The following HDAC9 variants were observed in gnomAD, a reference collection of about 807,000 sequenced individuals.
HDAC9 encodes MEF-2 interacting transcription repressor (MITR) protein.
HDAC9 carries 41 observed loss-of-function variants against 139.4 expected under a neutral mutation model. The ratio of observed to expected loss-of-function variants is 0.29; its 90% confidence interval spans 0.23 to 0.38. The LOEUF (loss-of-function observed/expected upper bound fraction) is 0.38. Among genes scored for constraint, HDAC9 ranks in the 10% least tolerant of loss-of-function variants. The pLI is 1.00. For missense variants in HDAC9, 1,147 were observed against 1,297.0 expected (o/e 0.88, Z 1.78); for synonymous variants, 517 against 476.2 (o/e 1.09, Z -1.12).
At chr7:18,736,766 A>G (rs1251882747) in intron 13 of HDAC9, among the ~76,000 whole-genome samples, 1 of 152,210 alleles carries the variant, frequency 6.6e-6, no homozygotes, top group Non-Finnish European at 1.5e-5. Context: ...GTTACGGAGA[A>G]TTCCCTCTTT....
chr7:18,951,713 ATTC>A (rs1331502696), intron 23 of HDAC9, among the ~76,000 whole-genome samples: 1 of 151,776 alleles, frequency 6.6e-6, no homozygotes, highest in Non-Finnish European at 1.5e-5. Context: ...TTTACCACAT[ATTC>A]TTATTTTCTG....
At chr7:18,430,374 C>G (rs1051858650) in intron 1 of HDAC9, 1 of 152,196 alleles carries the variant, frequency 6.6e-6, no homozygotes, top group Non-Finnish European at 1.5e-5. Context: ...CAAGTACGTG[C>G]TACAACACCT....
chr7:18,603,439 A>C (rs1834532305), intron 6 of HDAC9, among the ~76,000 whole-genome samples: 1 of 152,062 alleles, frequency 6.6e-6, no homozygotes, highest in Admixed American at 6.5e-5. Flanking sequence ...TACTCTCTTA[A>C]CATATCAATT....
intron 2 of HDAC9, among the ~76,000 whole-genome samples, chr7:18,254,136 A>C (rs1452085320): frequency 2.0e-5 from 3 of 152,258 alleles, no homozygotes; most frequent in African/African-American, 7.2e-5. Context: ...AAAACATAAC[A>C]AACAAGAAGG....
At chr7:18,216,290 A>T (rs558915152) in intron 2 of HDAC9, among the ~76,000 whole-genome samples, 1 of 152,194 alleles carries the variant, frequency 6.6e-6, no homozygotes, top group African/African-American at 2.4e-5. Context: ...ATTAAAGTTC[A>T]TGGATTTCAC....
intron 2 of HDAC9, among the ~76,000 whole-genome samples, chr7:18,539,644 C>A (rs547937601): frequency 6.6e-6 from 1 of 152,034 alleles, no homozygotes; most frequent in Non-Finnish European, 1.5e-5. Flanking sequence ...TTCTGAAAAT[C>A]TGAAATTATT....
intron 2 of HDAC9, among the ~76,000 whole-genome samples, chr7:18,532,014 C>T (rs566148427): frequency 5.3e-5 from 8 of 152,132 alleles, no homozygotes; most frequent in Admixed American, 2.0e-4. Flanking sequence ...TTTGGGAGGC[C>T]GAGGCAGGTG....
intron 22 of HDAC9, among the ~76,000 whole-genome samples, chr7:18,909,583 G>T (rs999421065): frequency 6.6e-6 from 1 of 151,978 alleles, no homozygotes; most frequent in Non-Finnish European, 1.5e-5. Context: ...TGAGAGATGG[G>T]AGTCTAGTTT....
chr7:18,865,758 A>G (rs1268303122), intron 21 of HDAC9, among the ~76,000 whole-genome samples: 3 of 152,182 alleles, frequency 2.0e-5, no homozygotes, highest in Non-Finnish European at 4.4e-5. Flanking sequence ...AGGTGAATGC[A>G]TGAAAAAATG....
chr7:18,336,867 G>A (rs185987441), intron 1 of HDAC9, among the ~76,000 whole-genome samples: 123 of 151,652 alleles, frequency 8.1e-4, no homozygotes, highest in Admixed American at 1.8e-3. Context: ...GAAAAAAATG[G>A]TGGCTGTGTG....
At chr7:18,878,937 G>A (rs1312221658) in intron 22 of HDAC9, among the ~76,000 whole-genome samples, 2 of 152,002 alleles carry the variant, frequency 1.3e-5, no homozygotes, top group Admixed American at 6.6e-5. Flanking sequence ...AAGCTCCTTT[G>A]GCTGACAAAC....
At chr7:18,524,295 AG>A (rs906217500) in intron 2 of HDAC9, among the ~76,000 whole-genome samples, 1 of 152,188 alleles carries the variant, frequency 6.6e-6, no homozygotes, top group African/African-American at 2.4e-5. Flanking sequence ...CTCTAACTAT[AG>A]TCTCCAACAA....
At chr7:18,564,460 T>A (rs1451042576) in intron 2 of HDAC9, among the ~76,000 whole-genome samples, 1 of 152,232 alleles carries the variant, frequency 6.6e-6, no homozygotes, top group East Asian at 1.9e-4. Context: ...GGCTTTATTT[T>A]ACAGTTTGGT....
intron 25 of HDAC9, among the ~76,000 whole-genome samples, chr7:18,982,227 G>GT (rs1361979796): frequency 6.6e-6 from 1 of 151,944 alleles, no homozygotes; most frequent in African/African-American, 2.4e-5. Flanking sequence ...TTCCTTACTG[G>GT]TTTTCATATC....
At chr7:18,097,358 T>A (rs1248666176) in intron 1 of HDAC9, among the ~76,000 whole-genome samples, 1 of 152,192 alleles carries the variant, frequency 6.6e-6, no homozygotes, top group African/African-American at 2.4e-5. Context: ...CAACATTGGA[T>A]GTCATCTGTT....
intron 6 of HDAC9, among the ~76,000 whole-genome samples, chr7:18,625,415 C>A (rs1051637780): frequency 3.9e-5 from 6 of 152,178 alleles, no homozygotes; most frequent in African/African-American, 1.4e-4. Flanking sequence ...GCACTATTAA[C>A]ATTTGGGTAA....
chr7:18,465,927 G>A (rs1794234083), intron 1 of HDAC9, among the ~76,000 whole-genome samples: 1 of 152,048 alleles, frequency 6.6e-6, no homozygotes, highest in African/African-American at 2.4e-5. Flanking sequence ...CATAAATTTA[G>A]CAGGTTAAAA....
At chr7:18,791,867 C>G (rs1792344525) in intron 16 of HDAC9, among the ~76,000 whole-genome samples, 1 of 152,148 alleles carries the variant, frequency 6.6e-6, no homozygotes, top group Non-Finnish European at 1.5e-5. Context: ...TTAATCCTCA[C>G]TAAAATCGTA....
At chr7:18,301,574 A>C (rs901858481) in intron 1 of HDAC9, among the ~76,000 whole-genome samples, 47 of 151,960 alleles carry the variant, frequency 3.1e-4, no homozygotes, top group African/African-American at 1.1e-3. Context: ...TAAATGCAGA[A>C]ATGGAGATGA....
Sources: allele counts gnomAD v4.1 joint callset (sites outside exome capture counted in the v4.1 genomes callset), GRCh38; gene constraint gnomAD v4.1.1; transcripts MANE v1.5; gene names NCBI Gene and HGNC (gene_info 2026-07-23, HGNC 2026-07-21).